The following KIF23 variants were observed in gnomAD, a reference collection of about 807,000 sequenced individuals.
KIF23 encodes the protein kinesin family member 23, also known as kinesin-like protein KIF23.
A neutral mutation model predicts 137.5 loss-of-function variants in KIF23; 30 were observed. The ratio of observed to expected loss-of-function variants is 0.22; its 90% CI spans 0.16 to 0.30. The LOEUF (loss-of-function observed/expected upper bound fraction) is 0.30, where lower values mean the gene tolerates loss of function less well. KIF23 is among the 10% of genes least tolerant of loss of function. KIF23 has a pLI of 1.00. For synonymous variants in KIF23, 367 were observed against 391.1 expected (o/e 0.94, Z 0.73); for missense variants, 920 against 1,194.3 (o/e 0.77, Z 3.38).
chr15:69,426,552 G>A (rs2057198170), intron 10 of KIF23, 95 bp downstream of exon 10: 9 of 1,379,382 alleles, frequency 6.5e-6, no homozygotes, highest in African/African-American at 4.3e-5. Flanking sequence ...AACCTGTCTC[G>A]AGTAAAATTG....
At position 69,424,970 on chromosome 15, in the gene KIF23, G is replaced by C. The variant is rs1416103514; in HGVS notation, c.735-312G>C. Among the ~76,000 whole-genome samples the C allele has an allele frequency of 2.6e-5, 4 of 152,124 alleles. 1 individual carries two copies. The highest frequency in any genetic ancestry group is 2.6e-4 in the Admixed American group (4 of 15,264). ...ATTATTTTCAAAGGATCATATCTTG[G>C]CTTTATTTAGTTATACAAAAGAAGA... On this transcript the variant is annotated intron_variant, in intron 7 of 23. Coordinates refer to ENST00000679126, the MANE Select transcript of KIF23 (RefSeq NM_001367805.3).
chr15:69,440,739 G>A, intron 18 of KIF23, 29 bp from the exon 19 acceptor site: 1 of 1,552,124 alleles, frequency 6.4e-7, no homozygotes, highest in Non-Finnish European at 8.7e-7. Context: ...TTTCAGTCTT[G>A]CTCATTAATT....
At chr15:69,420,240 G>A (rs2057020766) in intron 3 of KIF23, among the ~76,000 whole-genome samples, 1 of 152,014 alleles carries the variant, frequency 6.6e-6, no homozygotes, top group African/African-American at 2.4e-5. Context: ...CTCCAGCCTG[G>A]GTGACAGAGT....
Position 69,437,456 on chromosome 15 carries a change from CTTTT to C in KIF23, c.1597+753_1597+756del, listed in dbSNP as rs772460557. ...GTATCTCAGTGAATGAATGTATCTA[CTTTT>C]TTTTTTTTTTTTTTTTTTGAGACTG... On this transcript the variant is annotated intron_variant, in intron 15 of 23. Coordinates refer to ENST00000679126, the MANE Select transcript of KIF23 (RefSeq NM_001367805.3). Among the ~76,000 whole-genome samples, 4 of 120,560 alleles carry C rather than the reference CTTTT, an allele frequency of 3.3e-5. No individual in the cohort carries two copies. In the Admixed American group the frequency reaches 3.4e-4, roughly 10 times the overall value. The allele number at this position is 120,560 out of a possible 152,430, so 79.1% of individuals were successfully genotyped here. A position where few individuals can be genotyped will look rare whatever the true frequency, so the allele number is the denominator to read the frequency against.
In KIF23 at chr15:69,422,405, C is replaced by G; in HGVS notation, c.533C>G (p.Ala178Gly). The change falls in exon 6 of 24, where the codon GCT (alanine) becomes GGT (glycine). Residue 178 changes from alanine to glycine, a missense_variant. Ala to Gly is a moderately conservative substitution (Grantham distance 60, BLOSUM62 0). This residue lies in a region of KIF23 where 714 missense variants were observed against 866.2 expected (regional missense o/e 0.82). Coordinates refer to ENST00000679126, the MANE Select transcript of KIF23 (RefSeq NM_001367805.3). ...DALLERQKRE[A>G]MPNPKTSSSK... is the part of the protein sequence containing the mutation. ...TTATTAGAACGTCAGAAAAGAGAAGCTATGCCCAATCCAAAGACTTCTTCT... is the reference window on the plus strand; with the variant it reads ...TTATTAGAACGTCAGAAAAGAGAAGGTATGCCCAATCCAAAGACTTCTTCT... The G allele has an allele frequency of 6.2e-7, 1 of 1,603,822 alleles. No homozygotes were observed. The highest frequency in any genetic ancestry group is 1.7e-4 in the Middle Eastern group (1 of 6,040).
At chr15:69,421,605 A>T in intron 3 of KIF23, 42 bp from the exon 4 acceptor site, 3 of 1,197,974 alleles carry the variant, frequency 2.5e-6, no homozygotes, top group Non-Finnish European at 3.7e-6. Context: ...AGCCTAGATA[A>T]TAGTGGAATT....
At position 69,423,200 on chromosome 15, in the gene KIF23, A is replaced by C. The variant is rs761125814; in HGVS notation, c.605A>C (p.Gln202Pro). 6.2e-7 allele frequency: 1 copy of C among 1,604,924 alleles called. No homozygotes were observed. The highest frequency in any genetic ancestry group is 1.7e-5 in the Admixed American group (1 of 59,250). The change falls in exon 7 of 24, where the codon CAA (glutamine) becomes CCA (proline). Residue 202 changes from glutamine to proline, a missense_variant. Around this residue, in one of 4 missense-constraint regions of KIF23, gnomAD observed 714 missense variants for 866.2 expected, o/e 0.82. Coordinates refer to ENST00000679126, the MANE Select transcript of KIF23 (RefSeq NM_001367805.3). ...DPEFADMITV[Q>P]EFCKAEEVDE... ...GAGTTTGCAGATATGATAACTGTAC[A>C]AGAATTCTGCAAAGCAGAAGAGGTT...
chr15:69,426,527 A>G, intron 10 of KIF23, 70 bp downstream of exon 10: 3 of 1,544,098 alleles, frequency 1.9e-6, no homozygotes, highest in Non-Finnish European at 2.7e-6. Context: ...AGAGTAATCC[A>G]GCCAACATGG....
At chr15:69,425,402 T>C in intron 8 of KIF23, 79 bp downstream of exon 8, 1 of 1,269,974 alleles carries the variant, frequency 7.9e-7, no homozygotes, top group Non-Finnish European at 1.1e-6. Context: ...CATGTTTGCA[T>C]GTAGGTTATT....
intron 1 of KIF23, 41 bp downstream of exon 1, chr15:69,414,517 G>T: frequency 6.5e-7 from 1 of 1,545,938 alleles, no homozygotes; most frequent in South Asian, 1.2e-5. Flanking sequence ...GGGCGGACGG[G>T]GGCCGAGGCC....
intron 13 of KIF23, 78 bp downstream of exon 13, chr15:69,435,849 T>C (rs1229823877): frequency 6.5e-7 from 1 of 1,531,068 alleles, no homozygotes; most frequent in African/African-American, 1.4e-5. Flanking sequence ...AGAATGACAT[T>C]TTGAATATTT....
At chr15:69,428,102 C>CA (rs1486911135) in intron 10 of KIF23, among the ~76,000 whole-genome samples, 2 of 152,006 alleles carry the variant, frequency 1.3e-5, no homozygotes, top group East Asian at 3.9e-4. Flanking sequence ...ACTAAAAATA[C>CA]AAAAATTAGC....
At chr15:69,447,391 A>C (rs1301379551) in intron 23 of KIF23, among the ~76,000 whole-genome samples, 1 of 152,202 alleles carries the variant, frequency 6.6e-6, no homozygotes, top group Admixed American at 6.5e-5. Context: ...GTAGGGAAGG[A>C]ATCATACCTT....
At chr15:69,435,031 G>T in intron 11 of KIF23, 2 of 578,634 alleles carry the variant, frequency 3.5e-6, no homozygotes, top group Non-Finnish European at 6.1e-6. Flanking sequence ...GCATCTCCCT[G>T]GTGTGGTCCC....
In KIF23 at chr15:69,426,110, A is replaced by G; in HGVS notation, c.817A>G (p.Asn273Asp). 1.9e-6 allele frequency: 3 copies of G among 1,603,586 alleles called. No individual in the cohort carries two copies. Among genetic ancestry groups the G allele is most frequent in the Non-Finnish European group, 1.7e-6 (2 of 1,177,884 alleles). ...SKLLREDKNH[N>D]MYVAGCTEVE... ...ATTGCTTCGTGAAGATAAGAACCAT[A>G]ACATGTATGTTGCAGGATGTACAGA... The change falls in exon 9 of 24, where the codon AAC (asparagine) becomes GAC (aspartate). Residue 273 changes from asparagine (N) to aspartate (D), a missense_variant. By Grantham distance (23) the Asn-to-Asp change is conservative. Around this residue, in one of 4 missense-constraint regions of KIF23, gnomAD observed 714 missense variants for 866.2 expected, o/e 0.82. Transcript: ENST00000679126.
chr15:69,441,166 A>G, intron 19 of KIF23, 87 bp downstream of exon 19: 1 of 1,218,858 alleles, frequency 8.2e-7, no homozygotes, highest in South Asian at 1.6e-5. Flanking sequence ...GTTCATTGGA[A>G]AAATGGTTGG....
chr15:69,420,836 C>G (rs991291066), intron 3 of KIF23, among the ~76,000 whole-genome samples: 1 of 152,094 alleles, frequency 6.6e-6, no homozygotes, highest in Non-Finnish European at 1.5e-5. Flanking sequence ...CCAGGCTGGT[C>G]TCTTAACTCA....
In KIF23 at chr15:69,440,669, G is replaced by A; in HGVS notation, c.2110-99G>A. ...AAAAAAATAGAACAAATAATTATTT[G>A]TAATGTTAAGTCTTCATGTGCTAAC... On this transcript the variant is annotated intron_variant, in intron 18 of 23. Coordinates refer to ENST00000679126, the MANE Select transcript of KIF23 (RefSeq NM_001367805.3). 2.7e-6 allele frequency: 3 copies of A among 1,120,220 alleles called. No individual in the cohort carries two copies. In the South Asian group the frequency reaches 5.4e-5, roughly 20 times the overall value. The allele number at this position is 1,120,220 out of a possible 1,614,324, so 69.4% of individuals were successfully genotyped here. A position where few individuals can be genotyped will look rare whatever the true frequency, so the allele number is the denominator to read the frequency against.
chr15:69,440,584 T>A lies in KIF23; in HGVS notation c.2109+97T>A, dbSNP rs2057591691. The A allele has an allele frequency of 2.4e-6, 3 of 1,242,942 alleles. No individual in the cohort carries two copies. The South Asian group carries it at 5.1e-5, about 21-fold the overall frequency. 77.0% of individuals were successfully genotyped at this position (1,242,942 alleles called of 1,614,324 possible). On this transcript the variant is annotated intron_variant, in intron 18 of 23. Coordinates refer to ENST00000679126, the MANE Select transcript of KIF23 (RefSeq NM_001367805.3). ...GAGGATTTTTACATTTTATAATACT[T>A]ACATTTCTGAAATTTCTCTAAAAAT...
Sources: allele counts gnomAD v4.1 joint callset (sites outside exome capture counted in the v4.1 genomes callset), GRCh38; gene constraint gnomAD v4.1.1; regional missense constraint gnomAD v4.1.1; transcripts MANE v1.5; gene names NCBI Gene and HGNC (gene_info 2026-07-23, HGNC 2026-07-21).